ZBTB20: variants seen among roughly 807,000 people sequenced by gnomAD.
ZBTB20 encodes zinc finger and BTB domain containing 20, also known as zinc finger and BTB domain-containing protein 20.
A neutral mutation model predicts 56.9 loss-of-function variants in ZBTB20; 9 were observed. That is an observed-to-expected ratio of 0.16 (90% confidence interval 0.10 to 0.28). The LOEUF is 0.28. Ranked by LOEUF, ZBTB20 falls within the 10% of genes least tolerant of loss-of-function variation. ZBTB20 has a pLI of 1.00. For missense variants in ZBTB20, 655 were observed against 1,003.0 expected (o/e 0.65, Z 4.69); for synonymous variants, 417 against 420.7 (o/e 0.99, Z 0.11).
At chr3:114,434,947 G>A (rs922601756) in intron 7 of ZBTB20, among the ~76,000 whole-genome samples, 3 of 152,000 alleles carry the variant, frequency 2.0e-5, no homozygotes, top group Admixed American at 6.6e-5. Flanking sequence ...AGAGATGAGC[G>A]GTTCTAGCTA....
rs2089467796 is a variant in ZBTB20, at chr3:114,424,473, C to T, written c.-254-35368G>A. Reference sequence around the variant, plus strand: ...TTTAGCCAATTAGTCCTTCCAGCTTCATGTAATGCACGCCAAAAAGAAGGA... The same window carrying T: ...TTTAGCCAATTAGTCCTTCCAGCTTTATGTAATGCACGCCAAAAAGAAGGA... On this transcript the variant is annotated intron_variant, in intron 7 of 11. Transcript: ENST00000675478. 2.0e-5 allele frequency among the ~76,000 whole-genome samples: 3 copies of T among 152,328 alleles called. No individual in the cohort carries two copies. In the South Asian group the frequency reaches 6.2e-4, roughly 32 times the overall value.
chr3:114,411,970 G>A (rs145710121), intron 7 of ZBTB20, among the ~76,000 whole-genome samples: 1 of 152,072 alleles, frequency 6.6e-6, no homozygotes, highest in Non-Finnish European at 1.5e-5. Flanking sequence ...TAGTATTCGG[G>A]GTATTAAAAG....
chr3:115,070,792 T>C (rs1051620546), intron 2 of ZBTB20, among the ~76,000 whole-genome samples: 9 of 151,970 alleles, frequency 5.9e-5, no homozygotes, highest in South Asian at 2.1e-4. Flanking sequence ...CATAAACATA[T>C]ATACTCACAT....
chr3:114,661,450 CATATCAAGTTAGAT>C (rs2108079121), intron 6 of ZBTB20, among the ~76,000 whole-genome samples: 1 of 152,256 alleles, frequency 6.6e-6, no homozygotes, highest in Non-Finnish European at 1.5e-5. Flanking sequence ...CTCTGTTAAA[CATATCAAGTTAGAT>C]TTCTCATTCA....
At chr3:115,045,988 A>G (rs1353680779) in intron 2 of ZBTB20, among the ~76,000 whole-genome samples, 1 of 152,172 alleles carries the variant, frequency 6.6e-6, no homozygotes, top group Non-Finnish European at 1.5e-5. Context: ...TACTGGCTCA[A>G]TGATAAATTG....
rs566184705 is a variant in ZBTB20 at position 114,600,731 on chromosome 3, A to C, written c.-295+92797T>G. The stretch of plus-strand genomic sequence containing the variant: ...ACACTCACTAGTGAGGCCTATAAAT[A>C]AAATGAAACTTTAAATAGTACGAAC... On this transcript the variant is annotated intron_variant, in intron 6 of 11. Coordinates refer to ENST00000675478, the MANE Select transcript of ZBTB20 (RefSeq NM_001348800.3). Among the ~76,000 whole-genome samples, 3 of 152,040 alleles carry C rather than the reference A, an allele frequency of 2.0e-5. No homozygotes were observed. In the South Asian group the frequency reaches 6.2e-4, roughly 31 times the overall value.
intron 1 of ZBTB20, among the ~76,000 whole-genome samples, chr3:115,123,324 C>T (rs2084235500): frequency 1.3e-5 from 2 of 152,084 alleles, no homozygotes; most frequent in African/African-American, 4.8e-5. Flanking sequence ...TAGAATAGCA[C>T]ATTAATAGTT....
intron 6 of ZBTB20, among the ~76,000 whole-genome samples, chr3:114,563,219 T>C (rs1460961347): frequency 1.3e-5 from 2 of 152,202 alleles, no homozygotes; most frequent in Non-Finnish European, 2.9e-5. Context: ...TTGACAAAAC[T>C]TTCCCATGAC....
intron 4 of ZBTB20, among the ~76,000 whole-genome samples, chr3:114,870,768 C>T (rs910359983): frequency 1.3e-5 from 2 of 152,058 alleles, no homozygotes; most frequent in African/African-American, 4.8e-5. Context: ...CCACTTTATT[C>T]TCCACATGGA....
At chr3:114,500,001 T>A (rs1322126216) in intron 7 of ZBTB20, among the ~76,000 whole-genome samples, 1 of 152,210 alleles carries the variant, frequency 6.6e-6, no homozygotes, top group East Asian at 1.9e-4. Flanking sequence ...AATACATAAT[T>A]GCCCAATGAT....
chr3:114,536,197 G>T (rs999608426), intron 6 of ZBTB20, among the ~76,000 whole-genome samples: 3 of 152,154 alleles, frequency 2.0e-5, no homozygotes, highest in Non-Finnish European at 4.4e-5. Flanking sequence ...AGGAAGAGAG[G>T]AAGTCAAATT....
intron 6 of ZBTB20, among the ~76,000 whole-genome samples, chr3:114,621,456 T>C (rs2058314361): frequency 3.3e-5 from 5 of 152,192 alleles, no homozygotes; most frequent in Admixed American, 3.3e-4. Flanking sequence ...CTAACATACA[T>C]ATACAATCAT....
At chr3:115,092,632 G>A (rs890852820) in intron 1 of ZBTB20, among the ~76,000 whole-genome samples, 1 of 152,106 alleles carries the variant, frequency 6.6e-6, no homozygotes, top group African/African-American at 2.4e-5. Context: ...TATTGGCAAG[G>A]CAGTGGACAC....
In ZBTB20 at chr3:114,565,694, C is replaced by T. The variant is rs573283559; in HGVS notation, c.-294-65303G>A. On this transcript the variant is annotated intron_variant, in intron 6 of 11. Transcript: ENST00000675478. Reference sequence around the variant, plus strand: ...CATGCAATTTCTCCAGTATACCATGCGGTGTGTCCCAGTCACCACGTAATT... The same window carrying T: ...CATGCAATTTCTCCAGTATACCATGTGGTGTGTCCCAGTCACCACGTAATT... 5.3e-5 allele frequency among the ~76,000 whole-genome samples: 8 copies of T among 152,236 alleles called. 2 individuals are homozygous for T. The South Asian group carries it at 8.3e-4, about 16-fold the overall frequency.
intron 6 of ZBTB20, among the ~76,000 whole-genome samples, chr3:114,674,509 C>A (rs1250280028): frequency 3.3e-5 from 5 of 152,130 alleles, no homozygotes; most frequent in Non-Finnish European, 4.4e-5. Flanking sequence ...TGGTACCTTG[C>A]TCTATTTTTA....
intron 4 of ZBTB20, among the ~76,000 whole-genome samples, chr3:114,894,898 C>T (rs909076793): frequency 5.3e-5 from 8 of 152,008 alleles, no homozygotes; most frequent in Admixed American, 3.9e-4. Flanking sequence ...TCATCATGGT[C>T]GAAACTATAC....
intron 3 of ZBTB20, among the ~76,000 whole-genome samples, chr3:114,971,103 A>T (rs1052558608): frequency 5.3e-5 from 8 of 152,124 alleles, no homozygotes; most frequent in African/African-American, 1.7e-4. Flanking sequence ...CAAAACTGGG[A>T]ATTTATATAT....
intron 2 of ZBTB20, among the ~76,000 whole-genome samples, chr3:114,978,975 A>C (rs912637406): frequency 5.9e-5 from 9 of 151,880 alleles, no homozygotes; most frequent in African/African-American, 2.2e-4. Context: ...TTTTAACTGC[A>C]TAGATTTTTT....
chr3:115,040,248 G>T (rs1266588258), intron 2 of ZBTB20, among the ~76,000 whole-genome samples: 1 of 152,034 alleles, frequency 6.6e-6, no homozygotes, highest in African/African-American at 2.4e-5. Context: ...GCCAAAGACT[G>T]CAAAGTGGCA....
Sources: allele counts gnomAD v4.1 joint callset (sites outside exome capture counted in the v4.1 genomes callset), GRCh38; gene constraint gnomAD v4.1.1; transcripts MANE v1.5; gene names NCBI Gene and HGNC (gene_info 2026-07-23, HGNC 2026-07-21).